CAMKMT: variants seen among roughly 807,000 people sequenced by gnomAD.
The protein encoded by CAMKMT is CaM KMT.
CAMKMT carries 53 observed loss-of-function variants against 48.0 expected under a neutral mutation model. The observed-to-expected ratio is 1.10, with a 90% CI of 0.89 to 1.39. The LOEUF (loss-of-function observed/expected upper bound fraction) is 1.39, where lower values mean the gene tolerates loss of function less well. CAMKMT is among the 40% of genes most tolerant of loss of function. The probability of loss-of-function intolerance (pLI) is 0.00; values close to 1 mark genes in which losing one functional copy is unlikely to be tolerated. For missense variants in CAMKMT, 428 were observed against 402.7 expected (o/e 1.06, Z -0.54); for synonymous variants, 165 against 152.3 (o/e 1.08, Z -0.61).
At chr2:44,394,807 A>G in intron 3 of CAMKMT, 1 of 453,084 alleles carries the variant, frequency 2.2e-6, no homozygotes, top group South Asian at 1.6e-5. Flanking sequence ...TCTGTTTGTG[A>G]TGTATCTAAA....
chr2:44,689,107 T>G (rs571788006), intron 3 of CAMKMT, among the ~76,000 whole-genome samples: 61 of 152,268 alleles, frequency 4.0e-4, no homozygotes, highest in South Asian at 1.0e-3. Flanking sequence ...TTTTGCTATT[T>G]TGGTATGCCC....
intron 3 of CAMKMT, chr2:44,393,326 A>G (rs1271771214): frequency 2.0e-5 from 3 of 152,200 alleles, no homozygotes; most frequent in Non-Finnish European, 4.4e-5. Context: ...AAAGTGTTTT[A>G]TATTTTTGAG....
At chr2:44,418,048 C>A (rs1433131726) in intron 3 of CAMKMT, among the ~76,000 whole-genome samples, 1 of 151,980 alleles carries the variant, frequency 6.6e-6, no homozygotes, top group Non-Finnish European at 1.5e-5. Flanking sequence ...AAAAAGTAGT[C>A]GGGCATGGTG....
intron 7 of CAMKMT, among the ~76,000 whole-genome samples, chr2:44,729,051 C>T (rs555514213): frequency 2.7e-5 from 4 of 150,214 alleles, no homozygotes; most frequent in East Asian, 3.9e-4. Context: ...TCAGTAGTAC[C>T]GGAGAGAGAA....
intron 3 of CAMKMT, among the ~76,000 whole-genome samples, chr2:44,565,908 C>G (rs1049261611): frequency 6.6e-6 from 1 of 152,174 alleles, no homozygotes; most frequent in African/African-American, 2.4e-5. Flanking sequence ...ACAGATGTCA[C>G]TTGCCCTACA....
chr2:44,560,937 G>C (rs1178475562), intron 3 of CAMKMT, among the ~76,000 whole-genome samples: 1 of 152,120 alleles, frequency 6.6e-6, no homozygotes, highest in Admixed American at 6.5e-5. Context: ...TGGGGGCTTT[G>C]AGTCTTTCTT....
intron 3 of CAMKMT, among the ~76,000 whole-genome samples, chr2:44,446,779 G>A (rs1667025739): frequency 6.6e-6 from 1 of 152,212 alleles, no homozygotes; most frequent in African/African-American, 2.4e-5. Context: ...TCTCAGTCCA[G>A]CATTGAGGCC....
At chr2:44,466,762 A>T (rs1051503182) in intron 3 of CAMKMT, among the ~76,000 whole-genome samples, 1 of 152,238 alleles carries the variant, frequency 6.6e-6, no homozygotes, top group Non-Finnish European at 1.5e-5. Flanking sequence ...ACTAGCCATT[A>T]GCTAGACTTA....
chr2:44,407,212 T>C (rs1367459029), intron 3 of CAMKMT, among the ~76,000 whole-genome samples: 1 of 152,194 alleles, frequency 6.6e-6, no homozygotes, highest in Non-Finnish European at 1.5e-5. Context: ...TAGAGAGTTT[T>C]TTTCAATAAT....
chr2:44,592,704 T>G (rs1670373130), intron 3 of CAMKMT, among the ~76,000 whole-genome samples: 1 of 152,228 alleles, frequency 6.6e-6, no homozygotes, highest in Non-Finnish European at 1.5e-5. Context: ...TTCAGTCCTA[T>G]CTGCGATTTC....
At chr2:44,665,538 A>G (rs77706815) in intron 3 of CAMKMT, among the ~76,000 whole-genome samples, 4,055 of 152,322 alleles carry the variant, frequency 0.027, 66 homozygotes, top group Non-Finnish European at 0.04. Context: ...CCCTTGAACC[A>G]GGCAATGATA....
At chr2:44,768,418 T>C (rs1680950999) in intron 10 of CAMKMT, among the ~76,000 whole-genome samples, 2 of 150,752 alleles carry the variant, frequency 1.3e-5, no homozygotes, top group Non-Finnish European at 3.0e-5. Context: ...GTTCTGCTTC[T>C]AGCAAAAGAA....
intron 3 of CAMKMT, among the ~76,000 whole-genome samples, chr2:44,431,613 T>A (rs1684654072): frequency 6.6e-6 from 1 of 152,186 alleles, no homozygotes; most frequent in Non-Finnish European, 1.5e-5. Context: ...ATGAAAAATC[T>A]GTGATAAGAA....
intron 3 of CAMKMT, among the ~76,000 whole-genome samples, chr2:44,395,515 G>T (rs1443629605): frequency 6.6e-6 from 1 of 152,054 alleles, no homozygotes; most frequent in African/African-American, 2.4e-5. Flanking sequence ...GGCTTTTATG[G>T]GTCATTGCTC....
intron 3 of CAMKMT, among the ~76,000 whole-genome samples, chr2:44,495,249 T>G (rs1427459196): frequency 6.6e-6 from 1 of 152,152 alleles, no homozygotes; most frequent in African/African-American, 2.4e-5. Flanking sequence ...TAAGCAATCC[T>G]CCTGCCTACG....
chr2:44,647,041 G>A (rs1488090780), intron 3 of CAMKMT, among the ~76,000 whole-genome samples: 2 of 152,184 alleles, frequency 1.3e-5, no homozygotes, highest in Non-Finnish European at 2.9e-5. Context: ...GCTCACGCCT[G>A]TAATTCCAGC....
chr2:44,668,707 A>G (rs1207564570), intron 3 of CAMKMT, among the ~76,000 whole-genome samples: 1 of 152,122 alleles, frequency 6.6e-6, no homozygotes, highest in African/African-American at 2.4e-5. Flanking sequence ...CTTTCCCAAT[A>G]GTGTGCCCTT....
In CAMKMT at chr2:44,614,936, C is replaced by CTTTTTTTTTTTTTTTTTTTTTTTT; in HGVS notation, c.377-89346_377-89323dup. On this transcript the variant is annotated intron_variant, in intron 3 of 10. Coordinates refer to ENST00000378494, the MANE Select transcript of CAMKMT (RefSeq NM_024766.5). Reference sequence around the variant, plus strand: ...TCTAACCAGCTCTTTGGTCTCCTTGCTTTTTTTTTTTTTTTTTTTTTTTTG... The same window carrying CTTTTTTTTTTTTTTTTTTTTTTTT: ...TCTAACCAGCTCTTTGGTCTCCTTGCTTTTTTTTTTTTTTTTTTTTTTTTTTTTTTTTTTTTTTTTTTTTTTTTG... 1.6e-3 allele frequency among the ~76,000 whole-genome samples: 78 copies of CTTTTTTTTTTTTTTTTTTTTTTTT among 48,988 alleles called. 23 individuals carry two copies. Among genetic ancestry groups the CTTTTTTTTTTTTTTTTTTTTTTTT allele is most frequent in the African/African-American group, 3.6e-3 (35 of 9,642 alleles). The allele number at this position is 48,988 out of a possible 152,430, so 32.1% of individuals were successfully genotyped here. A position where few individuals can be genotyped will look rare whatever the true frequency, so the allele number is the denominator to read the frequency against.
intron 5 of CAMKMT, 22 bp downstream of exon 5, chr2:44,706,363 A>G: frequency 6.2e-7 from 1 of 1,612,430 alleles, no homozygotes; most frequent in Non-Finnish European, 8.5e-7. Flanking sequence ...CTCCATTCCA[A>G]TCCCATTCAG....
Sources: allele counts gnomAD v4.1 joint callset (sites outside exome capture counted in the v4.1 genomes callset), GRCh38; gene constraint gnomAD v4.1.1; transcripts MANE v1.5; gene names NCBI Gene and HGNC (gene_info 2026-07-23, HGNC 2026-07-21).